TLL2: variants seen among roughly 807,000 people sequenced by gnomAD.
TLL2 encodes tolloid like 2, also known as tolloid-like protein 2.
TLL2 carries 106 observed loss-of-function variants against 123.0 expected under a neutral mutation model. The observed-to-expected ratio is 0.86, with a 90% confidence interval of 0.74 to 1.01. TLL2 has a LOEUF of 1.01. Ranked by LOEUF, TLL2 falls within the 50% of genes least tolerant of loss-of-function variation. The pLI is 0.00. For synonymous variants in TLL2, 494 were observed against 516.8 expected (o/e 0.96, Z 0.60); for missense variants, 1,332 against 1,336.7 (o/e 1.00, Z 0.06).
chr10:96,441,363 C>T (rs1846849242), intron 3 of TLL2, among the ~76,000 whole-genome samples: 1 of 152,204 alleles, frequency 6.6e-6, no homozygotes, highest in South Asian at 2.1e-4. Flanking sequence ...GGAGACTAGA[C>T]CATTCTGCAC....
chr10:96,506,266 GAAAA>G (rs386372173), intron 1 of TLL2, among the ~76,000 whole-genome samples: 1 of 92,712 alleles, frequency 1.1e-5, no homozygotes, highest in Non-Finnish European at 2.0e-5. Context: ...AAAAAAAAAA[GAAAA>G]AAAAAAAAGA....
At chr10:96,488,300 C>A (rs1009249501) in intron 1 of TLL2, among the ~76,000 whole-genome samples, 1 of 152,208 alleles carries the variant, frequency 6.6e-6, no homozygotes, top group Non-Finnish European at 1.5e-5. Context: ...TTAGCGCTTG[C>A]GTGCCCAGCC....
At position 96,370,052 on chromosome 10, in the gene TLL2, C is replaced by T. The variant is rs763068917; in HGVS notation, c.2913+13G>A. 2.7e-5 allele frequency: 43 copies of T among 1,568,536 alleles called. 1 individual carries two copies. The Admixed American group carries it at 7.7e-4, about 28-fold the overall frequency. On this transcript the variant is annotated intron_variant, in intron 20 of 20. Coordinates refer to ENST00000357947, the MANE Select transcript of TLL2 (RefSeq NM_012465.4). ...TCACACTCTGCCCCGGCCCCAGCGTCTCCGGGACTTACCCCAGAGCCACAG... is the reference window on the plus strand; with the variant it reads ...TCACACTCTGCCCCGGCCCCAGCGTTTCCGGGACTTACCCCAGAGCCACAG...
chr10:96,501,140 A>C (rs1452790704), intron 1 of TLL2, among the ~76,000 whole-genome samples: 2 of 152,234 alleles, frequency 1.3e-5, no homozygotes, highest in African/African-American at 2.4e-5. Flanking sequence ...GGACATTTTT[A>C]CTTCTACTTG....
At chr10:96,445,045 C>T (rs1019677037) in intron 3 of TLL2, among the ~76,000 whole-genome samples, 8 of 152,068 alleles carry the variant, frequency 5.3e-5, no homozygotes, top group Non-Finnish European at 1.0e-4. Context: ...AAACATTAGC[C>T]GGGCACGGTG....
intron 6 of TLL2, among the ~76,000 whole-genome samples, chr10:96,421,541 G>A (rs1013092448): frequency 2.6e-5 from 4 of 152,054 alleles, no homozygotes; most frequent in Admixed American, 1.3e-4. Flanking sequence ...GCGGGTGCCT[G>A]TAGTCCCTGC....
At chr10:96,421,800 G>A (rs1027205487) in intron 6 of TLL2, among the ~76,000 whole-genome samples, 3 of 152,094 alleles carry the variant, frequency 2.0e-5, no homozygotes, top group African/African-American at 7.2e-5. Flanking sequence ...TCACGCCACT[G>A]CACTCCAGCC....
intron 5 of TLL2, among the ~76,000 whole-genome samples, chr10:96,425,862 T>C (rs1846674011): frequency 6.6e-6 from 1 of 152,058 alleles, no homozygotes; most frequent in Admixed American, 6.5e-5. Context: ...TTATATTAAT[T>C]AGCAATTCCA....
At chr10:96,424,025 T>A (rs796634707) in intron 5 of TLL2, among the ~76,000 whole-genome samples, 2 of 152,244 alleles carry the variant, frequency 1.3e-5, no homozygotes, top group African/African-American at 4.8e-5. Flanking sequence ...GAACTGGAGA[T>A]CATTATGTTA....
chr10:96,373,788 C>A lies in TLL2; in HGVS notation c.2470G>T (p.Glu824Ter). The A allele has an allele frequency of 6.2e-7, 1 of 1,613,934 alleles. No individual in the cohort carries two copies. The change falls in exon 19 of 21, where the codon GAG becomes TAG. Residue 824 changes from glutamate to a stop codon, truncating the protein, a stop_gained. Transcript: ENST00000357947. LOFTEE classifies it high-confidence loss of function. Reference protein sequence around the residue: ...VKLTFNEFEIEQHQECAYDHL... With the variant: ...VKLTFNEFEI ...TCATAGGCACATTCCTGGTGCTGCT[C>A]GATCTCAAACTCATTAAAGGTCTGG...
chr10:96,504,759 C>T lies in TLL2; in HGVS notation c.175+8752G>A, dbSNP rs181357198. On this transcript the variant is annotated intron_variant, in intron 1 of 20. Coordinates refer to ENST00000357947, the MANE Select transcript of TLL2 (RefSeq NM_012465.4). ...CAGTGGCTCACACCTGTAATCCCAG[C>T]ACTTTGGGAGGCCGAAGTGAGCAGA... Among the ~76,000 whole-genome samples the T allele has an allele frequency of 5.6e-3, 846 of 152,366 alleles. 7 individuals carry two copies. Among genetic ancestry groups the T allele is most frequent in the African/African-American group, 0.019 (785 of 41,582 alleles).
At position 96,476,248 on chromosome 10, in the gene TLL2, T is replaced by TTTGTTGTTG. The variant is rs1554939655; in HGVS notation, c.286+4092_286+4100dup. 1.1e-3 allele frequency among the ~76,000 whole-genome samples: 77 copies of TTTGTTGTTG among 69,238 alleles called. 1 individual carries two copies. The highest frequency in any genetic ancestry group is 2.1e-3 in the African/African-American group (33 of 16,070). The allele number at this position is 69,238 out of a possible 152,430, so 45.4% of individuals were successfully genotyped here. On this transcript the variant is annotated intron_variant, in intron 2 of 20. Coordinates refer to ENST00000357947, the MANE Select transcript of TLL2 (RefSeq NM_012465.4). ...TATATATATATATATATATTTTATTTTTGTTGTTGTTGTTGTTGTTGAGAC... is the reference window on the plus strand; with the variant it reads ...TATATATATATATATATATTTTATTTTTGTTGTTGTTGTTGTTGTTGTTGTTGTTGAGAC...
intron 3 of TLL2, among the ~76,000 whole-genome samples, chr10:96,433,357 T>C (rs1267417688): frequency 6.6e-6 from 1 of 152,170 alleles, no homozygotes; most frequent in Non-Finnish European, 1.5e-5. Flanking sequence ...CAGTGTTGCA[T>C]ATTTTGAAAT....
At chr10:96,499,228 G>A (rs1313591330) in intron 1 of TLL2, among the ~76,000 whole-genome samples, 1 of 152,144 alleles carries the variant, frequency 6.6e-6, no homozygotes, top group Non-Finnish European at 1.5e-5. Context: ...CCAGAGTTTT[G>A]CCAATTTCCA....
chr10:96,380,396 C>T (rs1846175160), intron 16 of TLL2, among the ~76,000 whole-genome samples: 1 of 152,056 alleles, frequency 6.6e-6, no homozygotes, highest in African/African-American at 2.4e-5. Flanking sequence ...CTTATGTTAT[C>T]AGGACAACTA....
intron 10 of TLL2, among the ~76,000 whole-genome samples, chr10:96,399,003 C>G (rs1846366575): frequency 6.6e-6 from 1 of 150,868 alleles, no homozygotes; most frequent in Non-Finnish European, 1.5e-5. Flanking sequence ...TCCCAAGTAG[C>G]TGGGACTACA....
intron 2 of TLL2, among the ~76,000 whole-genome samples, chr10:96,459,983 T>C (rs1050898971): frequency 2.7e-5 from 4 of 147,478 alleles, no homozygotes; most frequent in Non-Finnish European, 4.5e-5. Flanking sequence ...AAAAAATAAA[T>C]TATTTCCCAA....
At chr10:96,487,666 C>T (rs555194959) in intron 1 of TLL2, among the ~76,000 whole-genome samples, 1 of 152,086 alleles carries the variant, frequency 6.6e-6, no homozygotes, top group African/African-American at 2.4e-5. Context: ...TTTGCATCAA[C>T]GCATATTGGT....
intron 7 of TLL2, among the ~76,000 whole-genome samples, 177 bp downstream of exon 7, chr10:96,420,779 G>A (rs987059407): frequency 2.6e-5 from 4 of 152,074 alleles, no homozygotes; most frequent in Non-Finnish European, 5.9e-5. Context: ...TCTTATTAAC[G>A]GGAACCTGAT....
Sources: gnomAD v4.1 joint callset for allele counts (sites outside exome capture counted in the v4.1 genomes callset) on GRCh38, gnomAD v4.1.1 for gene constraint, MANE v1.5 for transcripts, NCBI Gene and HGNC (gene_info 2026-07-23, HGNC 2026-07-21) for gene names.